Variants in TRERF1 observed in about 807,000 individuals in gnomAD.
The protein encoded by TRERF1 is transcriptional regulating factor 1, also known as transcriptional-regulating factor 1.
TRERF1 carries 27 observed loss-of-function variants against 122.9 expected under a neutral mutation model. The observed-to-expected ratio is 0.22, with a 90% CI of 0.16 to 0.30. The LOEUF is 0.30. TRERF1 is among the 10% of genes least tolerant of loss of function. The pLI is 1.00. For missense variants in TRERF1, 1,248 were observed against 1,560.3 expected (o/e 0.80, Z 3.37); for synonymous variants, 636 against 641.7 (o/e 0.99, Z 0.13).
At position 42,393,160 on chromosome 6, in the gene TRERF1, G is replaced by A. The variant is rs1436169307; in HGVS notation, c.-453-30081C>T. Among the ~76,000 whole-genome samples the A allele has an allele frequency of 1.3e-5, 2 of 152,202 alleles. No homozygotes were observed. Among genetic ancestry groups the A allele is most frequent in the Non-Finnish European group, 2.9e-5 (2 of 68,044 alleles). Reference sequence around the variant, plus strand: ...CAGGTCAAGGGCTGTGGGCCAAGTGGTCAGTGCTAACAACCAGCATCTTTG... The same window carrying A: ...CAGGTCAAGGGCTGTGGGCCAAGTGATCAGTGCTAACAACCAGCATCTTTG... On this transcript the variant is annotated intron_variant, in intron 2 of 17. Transcript: ENST00000372922. The surrounding 1 kb of genome is among the most constrained non-coding windows in gnomAD (Gnocchi z 4.1).
chr6:42,271,225 C>T (rs1237840698), intron 4 of TRERF1, among the ~76,000 whole-genome samples: 1 of 151,004 alleles, frequency 6.6e-6, no homozygotes, highest in Non-Finnish European at 1.5e-5. Context: ...TCTACATCCT[C>T]AACTTGAAAT....
At chr6:42,405,656 A>G (rs1780067065) in intron 2 of TRERF1, among the ~76,000 whole-genome samples, 1 of 151,986 alleles carries the variant, frequency 6.6e-6, no homozygotes, top group Admixed American at 6.6e-5. Context: ...TTAGCCAGGC[A>G]TGGTGATGCA....
chr6:42,368,820 T>C (rs780964522), intron 2 of TRERF1, among the ~76,000 whole-genome samples: 3 of 152,158 alleles, frequency 2.0e-5, no homozygotes, highest in Non-Finnish European at 4.4e-5. Context: ...TAATGAGAAT[T>C]ATGGGGAGTT....
chr6:42,373,354 G>T (rs1321900954), intron 2 of TRERF1, among the ~76,000 whole-genome samples: 16 of 152,100 alleles, frequency 1.1e-4, no homozygotes, highest in Non-Finnish European at 2.2e-4. Context: ...CCAACATGGA[G>T]AAATCCTGTC....
Position 42,269,638 on chromosome 6 carries a change from G to T in TRERF1, c.-48C>A. On this transcript the variant is annotated 5_prime_UTR_variant, in exon 5 of 18. Coordinates refer to ENST00000372922, the Ensembl canonical transcript of TRERF1. The surrounding 1 kb of genome is among the most constrained non-coding windows in gnomAD (Gnocchi z 4.9). ...GTCCAGCCACAAAACCATAAAAAAG[G>T]TAAATAAAACAAACCCAAAAGGACT... 6.3e-7 allele frequency: 1 copy of T among 1,586,174 alleles called. No individual in the cohort carries two copies. Among genetic ancestry groups the T allele is most frequent in the Non-Finnish European group, 8.6e-7 (1 of 1,165,120 alleles).
chr6:42,352,005 T>C (rs557410276), intron 3 of TRERF1, among the ~76,000 whole-genome samples: 2 of 151,438 alleles, frequency 1.3e-5, no homozygotes, highest in African/African-American at 4.9e-5. Context: ...GCGGGTGTTG[T>C]TGTTGTTGTT....
chr6:42,347,748 C>T (rs1208020743), intron 3 of TRERF1, among the ~76,000 whole-genome samples: 1 of 152,148 alleles, frequency 6.6e-6, no homozygotes, highest in Admixed American at 6.5e-5. Flanking sequence ...AGATAAAACC[C>T]CCACAAATAA....
At chr6:42,420,541 T>C (rs1782613612) in intron 2 of TRERF1, among the ~76,000 whole-genome samples, 1 of 152,204 alleles carries the variant, frequency 6.6e-6, no homozygotes, top group Admixed American at 6.5e-5. Flanking sequence ...AATGACTTTT[T>C]TAAATTATAG....
chr6:42,285,652 G>A (rs1335051193), intron 4 of TRERF1, among the ~76,000 whole-genome samples: 4 of 150,686 alleles, frequency 2.7e-5, no homozygotes, highest in East Asian at 1.9e-4. Flanking sequence ...TTTGAAATAC[G>A]TCCCATCAAT....
chr6:42,259,243 A>G lies in TRERF1; in HGVS notation c.2269+96T>C. ...CTACATACAGCCAATACTCCGCAAAAGTCTGTGGGATAAATGAGAAAGCTA... is the reference window on the plus strand; with the variant it reads ...CTACATACAGCCAATACTCCGCAAAGGTCTGTGGGATAAATGAGAAAGCTA... On this transcript the variant is annotated intron_variant, in intron 9 of 17. Transcript: ENST00000372922. This position sits in a 1 kb window ranked among gnomAD's most constrained non-coding sequence, Gnocchi z 4.9. The G allele has an allele frequency of 7.0e-7, 1 of 1,423,320 alleles. No homozygotes were observed. 88.2% of individuals were successfully genotyped at this position (1,423,320 alleles called of 1,614,324 possible).
intron 2 of TRERF1, among the ~76,000 whole-genome samples, chr6:42,427,532 T>A (rs1421684479): frequency 1.3e-5 from 2 of 148,424 alleles, no homozygotes; most frequent in African/African-American, 5.1e-5. Flanking sequence ...ATTACAGGTG[T>A]GAGCCACCTT....
chr6:42,418,191 CTT>C (rs1491200482), intron 2 of TRERF1, among the ~76,000 whole-genome samples: 3 of 115,394 alleles, frequency 2.6e-5, no homozygotes, highest in Non-Finnish European at 5.5e-5. Context: ...TTCTTTCTCT[CTT>C]TCTCTCCTTC....
chr6:42,280,149 G>A (rs945360423), intron 4 of TRERF1, among the ~76,000 whole-genome samples: 4 of 152,030 alleles, frequency 2.6e-5, no homozygotes, highest in Non-Finnish European at 4.4e-5. Context: ...GCAATGCCAC[G>A]GTCCCAAGCT....
intron 2 of TRERF1, among the ~76,000 whole-genome samples, chr6:42,389,141 T>C (rs547854586): frequency 6.6e-6 from 1 of 152,332 alleles, no homozygotes; most frequent in African/African-American, 2.4e-5. Flanking sequence ...TTAGCTTTTC[T>C]TTAAAATAGC....
At position 42,432,210 on chromosome 6, in the gene TRERF1, G is replaced by C. The variant is rs549702008; in HGVS notation, c.-454+18967C>G. 4.6e-5 allele frequency among the ~76,000 whole-genome samples: 7 copies of C among 152,174 alleles called. No homozygotes were observed. The South Asian group carries it at 1.0e-3, about 23-fold the overall frequency. On this transcript the variant is annotated intron_variant, in intron 2 of 17. Transcript: ENST00000372922. ...CATGTAAAAGAATTGTCTGGCACGT[G>C]GTGAGCATTATATGAATATTTCTCA... is the stretch of plus-strand genomic sequence containing the variant.
At chr6:42,270,774 T>G (rs1780073331) in intron 4 of TRERF1, among the ~76,000 whole-genome samples, 1 of 141,740 alleles carries the variant, frequency 7.1e-6, no homozygotes, top group Non-Finnish European at 1.5e-5. Flanking sequence ...ATCTCTTTTT[T>G]TTTTTTTTTT....
intron 4 of TRERF1, among the ~76,000 whole-genome samples, chr6:42,274,549 C>T (rs989701221): frequency 2.6e-5 from 4 of 152,042 alleles, no homozygotes; most frequent in Non-Finnish European, 5.9e-5. Context: ...CGTGGTGGTG[C>T]ACCCCTGTAG....
Position 42,430,508 on chromosome 6 carries a change from G to A in TRERF1, c.-454+20669C>T, listed in dbSNP as rs571344424. 3.3e-5 allele frequency among the ~76,000 whole-genome samples: 5 copies of A among 152,340 alleles called. No homozygotes were observed. In the East Asian group the frequency reaches 9.6e-4, roughly 29 times the overall value. ...CTCATGCCTGTAATCCCAGCACTTTGGGAGGCCAAGACGGGTGGATCACTT... is the reference window on the plus strand; with the variant it reads ...CTCATGCCTGTAATCCCAGCACTTTAGGAGGCCAAGACGGGTGGATCACTT... On this transcript the variant is annotated intron_variant, in intron 2 of 17. Coordinates refer to ENST00000372922, the Ensembl canonical transcript of TRERF1.
intron 13 of TRERF1, among the ~76,000 whole-genome samples, chr6:42,248,185 A>G (rs1380683242): frequency 6.6e-6 from 1 of 152,174 alleles, no homozygotes; most frequent in Non-Finnish European, 1.5e-5. Context: ...GCTCAGTGAC[A>G]TAAACTCACA....
Sources: gnomAD v4.1 joint callset for allele counts (sites outside exome capture counted in the v4.1 genomes callset) on GRCh38, gnomAD v4.1.1 for gene constraint, Gnocchi (gnomAD v3.1) non-coding constraint, MANE v1.5 for transcripts, NCBI Gene and HGNC (gene_info 2026-07-23, HGNC 2026-07-21) for gene names.